SBF2: variants seen among roughly 807,000 people sequenced by gnomAD.
The protein encoded by SBF2 is SET binding factor 2.
SBF2 carries 112 observed loss-of-function variants against 225.2 expected under a neutral mutation model. The ratio of observed to expected loss-of-function variants is 0.50; its 90% CI spans 0.43 to 0.58. The LOEUF is 0.58. SBF2 is among the 20% of genes least tolerant of loss of function. The probability of loss-of-function intolerance (pLI) is 0.00; values close to 1 mark genes in which losing one functional copy is unlikely to be tolerated. For synonymous variants in SBF2, 763 were observed against 773.3 expected, an observed-to-expected ratio of 0.99 and a Z score of 0.22; for missense variants, 1,996 against 2,206.2, an observed-to-expected ratio of 0.90 and a Z score of 1.91.
intron 2 of SBF2, among the ~76,000 whole-genome samples, chr11:10,062,261 C>T (rs61878581): frequency 0.17 from 25,678 of 152,154 alleles, 2,381 homozygotes; most frequent in East Asian, 0.28. Flanking sequence ...AGGTAATACC[C>T]TCATGGATCT....
At chr11:9,785,722 A>G (rs535592563) in intron 36 of SBF2, among the ~76,000 whole-genome samples, 1 of 152,268 alleles carries the variant, frequency 6.6e-6, no homozygotes, top group African/African-American at 2.4e-5. Flanking sequence ...AAAATGAGCC[A>G]GGTATGGTGG....
At chr11:9,954,876 G>A (rs1866060711) in intron 16 of SBF2, among the ~76,000 whole-genome samples, 1 of 152,022 alleles carries the variant, frequency 6.6e-6, no homozygotes, top group South Asian at 2.1e-4. Flanking sequence ...AGTACTAATA[G>A]CAAAAAGCTC....
intron 2 of SBF2, among the ~76,000 whole-genome samples, chr11:10,118,316 A>G (rs1349855961): frequency 6.6e-6 from 1 of 152,206 alleles, no homozygotes; most frequent in Admixed American, 6.5e-5. Flanking sequence ...CCAGATTACG[A>G]CAGGGACTAA....
chr11:10,076,291 C>T (rs538305902), intron 2 of SBF2, among the ~76,000 whole-genome samples: 2 of 152,286 alleles, frequency 1.3e-5, no homozygotes, highest in South Asian at 2.1e-4. Flanking sequence ...TATGCACTCC[C>T]GTCTCCAACT....
chr11:9,973,723 G>T (rs1946556530), intron 13 of SBF2, among the ~76,000 whole-genome samples: 1 of 151,954 alleles, frequency 6.6e-6, no homozygotes. Flanking sequence ...TATGCCTAGG[G>T]GTTACAGAAT....
chr11:9,871,303 A>G (rs1858714543), intron 17 of SBF2, among the ~76,000 whole-genome samples: 1 of 151,798 alleles, frequency 6.6e-6, no homozygotes, highest in Non-Finnish European at 1.5e-5. Context: ...CTTACAAGAA[A>G]AAAAGACCCC....
At chr11:10,279,314 G>C (rs1963227704) in intron 1 of SBF2, among the ~76,000 whole-genome samples, 1 of 151,274 alleles carries the variant, frequency 6.6e-6, no homozygotes, top group South Asian at 2.1e-4. Context: ...TAGGGAGACT[G>C]AGGCAGGAGA....
intron 1 of SBF2, among the ~76,000 whole-genome samples, chr11:10,278,609 T>C (rs1455625073): frequency 6.6e-6 from 1 of 151,750 alleles, no homozygotes; most frequent in Non-Finnish European, 1.5e-5. Flanking sequence ...GGTGAAACCC[T>C]GTCTCTACTA....
chr11:10,157,983 C>G (rs1955553509), intron 2 of SBF2, among the ~76,000 whole-genome samples: 1 of 151,994 alleles, frequency 6.6e-6, no homozygotes, highest in African/African-American at 2.4e-5. Flanking sequence ...GAAATCATAG[C>G]AAGAATATTT....
intron 1 of SBF2, among the ~76,000 whole-genome samples, chr11:10,280,481 T>C (rs1245626861): frequency 2.0e-5 from 3 of 152,206 alleles, no homozygotes; most frequent in Non-Finnish European, 2.9e-5. Flanking sequence ...AAGTCTGCAA[T>C]TTAATTCAAC....
intron 33 of SBF2, among the ~76,000 whole-genome samples, chr11:9,792,639 A>T (rs1006269607): frequency 6.6e-6 from 1 of 152,142 alleles, no homozygotes; most frequent in Non-Finnish European, 1.5e-5. Flanking sequence ...GGGACACGAA[A>T]CTAGGCTTCC....
At chr11:10,097,701 A>C (rs1952086727) in intron 2 of SBF2, among the ~76,000 whole-genome samples, 1 of 152,158 alleles carries the variant, frequency 6.6e-6, no homozygotes, top group African/African-American at 2.4e-5. Flanking sequence ...CAGTAGAAAA[A>C]AAGCTTAAAT....
intron 16 of SBF2, among the ~76,000 whole-genome samples, chr11:9,918,779 C>G (rs1313119551): frequency 6.6e-6 from 1 of 150,806 alleles, no homozygotes; most frequent in Non-Finnish European, 1.5e-5. Context: ...CACTCTGTCA[C>G]CCAGGCTGGA....
At chr11:9,861,663 C>CAAAAA in intron 17 of SBF2, among the ~76,000 whole-genome samples, 1 of 83,450 alleles carries the variant, frequency 1.2e-5, no homozygotes, top group South Asian at 4.0e-4. Context: ...GACTCCATCT[C>CAAAAA]AAAAAAAAAA....
chr11:10,098,004 AC>A (rs1187888756), intron 2 of SBF2, among the ~76,000 whole-genome samples: 1 of 152,062 alleles, frequency 6.6e-6, no homozygotes, highest in Non-Finnish European at 1.5e-5. Context: ...GCAACAAAGC[AC>A]CATGGTTTCT....
chr11:10,270,129 T>C (rs994030428), intron 1 of SBF2, among the ~76,000 whole-genome samples: 2 of 152,180 alleles, frequency 1.3e-5, no homozygotes, highest in Admixed American at 1.3e-4. Flanking sequence ...ATTAAAATGA[T>C]AAAAACATTT....
intron 2 of SBF2, among the ~76,000 whole-genome samples, chr11:10,164,056 G>A (rs1205616204): frequency 6.6e-6 from 1 of 152,184 alleles, no homozygotes; most frequent in Non-Finnish European, 1.5e-5. Flanking sequence ...TTGAATCAGT[G>A]AGATAACTTT....
chr11:9,806,550 T>G (rs1033266360), intron 32 of SBF2, among the ~76,000 whole-genome samples: 1 of 151,862 alleles, frequency 6.6e-6, no homozygotes, highest in African/African-American at 2.4e-5. Context: ...CCAAAAGGAG[T>G]ATGAATAAAA....
At chr11:9,836,807 G>T (rs11042508) in intron 26 of SBF2, among the ~76,000 whole-genome samples, 3,678 of 152,124 alleles carry the variant, frequency 0.024, 167 homozygotes, top group African/African-American at 0.083. Context: ...TCATCCCTAA[G>T]TAATGTTTTT....
Sources: gnomAD v4.1 joint callset for allele counts (sites outside exome capture counted in the v4.1 genomes callset) on GRCh38, gnomAD v4.1.1 for gene constraint, MANE v1.5 for transcripts, NCBI Gene and HGNC (gene_info 2026-07-23, HGNC 2026-07-21) for gene names.